CSMD1: variants seen among roughly 807,000 people sequenced by gnomAD.
The protein encoded by CSMD1 is CUB and Sushi multiple domains 1.
CSMD1 carries 213 observed loss-of-function variants against 417.5 expected under a neutral mutation model. The observed-to-expected ratio is 0.51, with a 90% CI of 0.46 to 0.57. The LOEUF is 0.57. CSMD1 is among the 20% of genes least tolerant of loss of function. CSMD1 has a pLI of 0.00. For missense variants in CSMD1, 6,923 were observed against 4,529.7 expected, an observed-to-expected ratio of 1.53 and a Z score of -15.17; for synonymous variants, 2,862 against 1,736.8, an observed-to-expected ratio of 1.65 and a Z score of -16.11.
At chr8:3,367,707 A>C (rs1294708455) in intron 19 of CSMD1, among the ~76,000 whole-genome samples, 1 of 152,224 alleles carries the variant, frequency 6.6e-6, no homozygotes, top group Admixed American at 6.5e-5. Flanking sequence ...GTAAATATGA[A>C]GATATGATGT....
intron 3 of CSMD1, among the ~76,000 whole-genome samples, chr8:4,068,778 A>G (rs1799391774): frequency 6.6e-6 from 1 of 152,230 alleles, no homozygotes; most frequent in Admixed American, 6.5e-5. Context: ...TGAACAGATT[A>G]GAATATTACA....
At chr8:3,343,045 T>G (rs909794192) in intron 23 of CSMD1, among the ~76,000 whole-genome samples, 1 of 152,170 alleles carries the variant, frequency 6.6e-6, no homozygotes, top group Admixed American at 6.5e-5. Flanking sequence ...ATCTAAAATG[T>G]TGTAAGACGT....
intron 4 of CSMD1, among the ~76,000 whole-genome samples, chr8:3,998,474 T>G (rs1815398667): frequency 6.6e-6 from 1 of 152,184 alleles, no homozygotes; most frequent in South Asian, 2.1e-4. Context: ...TTTTGAGACT[T>G]AAAAACATGT....
chr8:4,820,353 A>G (rs1799451098), intron 1 of CSMD1, among the ~76,000 whole-genome samples: 1 of 152,074 alleles, frequency 6.6e-6, no homozygotes, highest in Admixed American at 6.6e-5. Context: ...GGTAAGAATG[A>G]CTCATATGCA....
At chr8:4,541,170 A>G (rs1243419131) in intron 2 of CSMD1, among the ~76,000 whole-genome samples, 1 of 152,098 alleles carries the variant, frequency 6.6e-6, no homozygotes, top group African/African-American at 2.4e-5. Flanking sequence ...CCAGGGCTCA[A>G]TTTCATGAAT....
chr8:3,330,973 G>C (rs1051968226), intron 23 of CSMD1, among the ~76,000 whole-genome samples: 2 of 152,080 alleles, frequency 1.3e-5, no homozygotes, highest in Non-Finnish European at 2.9e-5. Flanking sequence ...CAACAGTGCC[G>C]GGCGCGGTGG....
At chr8:3,959,021 C>T (rs906808824) in intron 5 of CSMD1, among the ~76,000 whole-genome samples, 6 of 152,176 alleles carry the variant, frequency 3.9e-5, no homozygotes, top group African/African-American at 9.7e-5. Flanking sequence ...TACTCTGCGG[C>T]GGCTTCTCCA....
At chr8:3,965,775 A>G (rs1585045623) in intron 5 of CSMD1, among the ~76,000 whole-genome samples, 4 of 151,900 alleles carry the variant, frequency 2.6e-5, no homozygotes, top group Admixed American at 2.0e-4. Flanking sequence ...GTGACACCAC[A>G]CCTGGCTAAT....
At chr8:4,176,168 G>C (rs1460531452) in intron 3 of CSMD1, among the ~76,000 whole-genome samples, 2 of 152,014 alleles carry the variant, frequency 1.3e-5, no homozygotes, top group Non-Finnish European at 1.5e-5. Flanking sequence ...TCTATGTCTT[G>C]ATCAGAAGCC....
At chr8:4,780,195 G>A (rs777781187) in intron 1 of CSMD1, among the ~76,000 whole-genome samples, 10 of 152,146 alleles carry the variant, frequency 6.6e-5, no homozygotes, top group Non-Finnish European at 7.4e-5. Flanking sequence ...CTATGATAGG[G>A]GATTATGTGT....
intron 7 of CSMD1, among the ~76,000 whole-genome samples, chr8:3,656,210 C>T (rs1045418970): frequency 6.6e-6 from 1 of 152,158 alleles, no homozygotes; most frequent in Non-Finnish European, 1.5e-5. Flanking sequence ...TCAGAAGCCG[C>T]TGTTAGACAT....
chr8:4,343,977 G>T (rs543655115), intron 3 of CSMD1, among the ~76,000 whole-genome samples: 1 of 152,078 alleles, frequency 6.6e-6, no homozygotes, highest in African/African-American at 2.4e-5. Context: ...ATAAATTCTA[G>T]TAAAGCCATT....
intron 12 of CSMD1, among the ~76,000 whole-genome samples, chr8:3,441,986 CG>C (rs1366873414): frequency 4.0e-5 from 6 of 150,976 alleles, no homozygotes; most frequent in African/African-American, 1.5e-4. Context: ...GATGTGGAGG[CG>C]GAAGACAGTG....
chr8:4,176,940 G>C (rs1253650840), intron 3 of CSMD1, among the ~76,000 whole-genome samples: 2 of 150,196 alleles, frequency 1.3e-5, no homozygotes, highest in African/African-American at 2.5e-5. Context: ...CAAGTCCTCA[G>C]TGACCTACAA....
At chr8:4,731,704 A>G (rs73175315) in intron 1 of CSMD1, among the ~76,000 whole-genome samples, 3,201 of 152,258 alleles carry the variant, frequency 0.021, 59 homozygotes, top group Non-Finnish European at 0.034. Context: ...CAAAGCTCCA[A>G]TGGGTTCACG....
intron 56 of CSMD1, 121 bp from the exon 57 acceptor site, chr8:2,973,420 C>T (rs776508987): frequency 3.1e-5 from 29 of 933,932 alleles, no homozygotes; most frequent in East Asian, 4.9e-5. Context: ...GTTATGGTTA[C>T]ACAACATTCT....
intron 1 of CSMD1, among the ~76,000 whole-genome samples, chr8:4,642,863 G>A (rs1398306687): frequency 1.3e-5 from 2 of 152,144 alleles, no homozygotes; most frequent in Non-Finnish European, 2.9e-5. Flanking sequence ...TTGGGTTTAG[G>A]GACTTAGAAA....
intron 3 of CSMD1, among the ~76,000 whole-genome samples, chr8:4,355,085 A>T (rs1342081604): frequency 1.3e-5 from 2 of 151,556 alleles, no homozygotes; most frequent in Non-Finnish European, 2.9e-5. Flanking sequence ...ACATGGTGAA[A>T]CCCCGTCTCT....
At chr8:3,749,566 A>G (rs141872595) in intron 6 of CSMD1, among the ~76,000 whole-genome samples, 1 of 152,328 alleles carries the variant, frequency 6.6e-6, no homozygotes, top group East Asian at 1.9e-4. Context: ...GTTGGTTGTC[A>G]TTTATTTGAC....
Sources: gnomAD v4.1 joint callset for allele counts (sites outside exome capture counted in the v4.1 genomes callset) on GRCh38, gnomAD v4.1.1 for gene constraint, MANE v1.5 for transcripts, NCBI Gene and HGNC (gene_info 2026-07-23, HGNC 2026-07-21) for gene names.